The following XPO1 variants were observed in gnomAD, a reference collection of about 807,000 sequenced individuals.
XPO1 encodes exportin-1.
In XPO1, 5 loss-of-function variants were observed where a neutral mutation model predicts 133.3. The ratio of observed to expected loss-of-function variants is 0.04; its 90% CI spans 0.02 to 0.08. The LOEUF is 0.08. Among genes scored for constraint, XPO1 ranks in the 10% least tolerant of loss-of-function variants. The pLI, the probability that XPO1 is intolerant of heterozygous loss-of-function variation, is 1.00. For missense variants in XPO1, 506 were observed against 1,267.5 expected (o/e 0.40, Z 9.12); for synonymous variants, 419 against 408.2 (o/e 1.03, Z -0.32).
rs1558637976 is a variant in XPO1, at chr2:61,491,454, A to AC, written c.1887+580_1887+581insG. ...CGACAGAGTGAAACTCCATCTCAAA[A>AC]AACAAACACACACACACACACACAC... is the stretch of plus-strand genomic sequence containing the variant. On this transcript the variant is annotated intron_variant, in intron 16 of 24. Coordinates refer to ENST00000401558, the MANE Select transcript of XPO1 (RefSeq NM_003400.4). Among the ~76,000 whole-genome samples the AC allele has an allele frequency of 6.7e-3, 745 of 111,154 alleles. 5 individuals are homozygous for AC. Among genetic ancestry groups the AC allele is most frequent in the African/African-American group, 0.025 (712 of 28,186 alleles). The allele number at this position is 111,154 out of a possible 152,430, so 72.9% of individuals were successfully genotyped here. A position where few individuals can be genotyped will look rare whatever the true frequency, so the allele number is the denominator to read the frequency against.
intron 20 of XPO1, chr2:61,484,602 G>C (rs1350796522): frequency 6.5e-6 from 1 of 154,006 alleles, no homozygotes; most frequent in Admixed American, 6.5e-5. Context: ...CCGAGTAGCT[G>C]GGACTACAGG....
chr2:61,515,880 G>A (rs1361481854), intron 4 of XPO1, among the ~76,000 whole-genome samples: 7 of 146,030 alleles, frequency 4.8e-5, no homozygotes, highest in South Asian at 2.2e-4. Context: ...TCAGGAGATC[G>A]AGACCATCCT....
chr2:61,519,201 G>A (rs138205162), intron 4 of XPO1, among the ~76,000 whole-genome samples: 29 of 152,056 alleles, frequency 1.9e-4, no homozygotes, highest in African/African-American at 6.8e-4. Flanking sequence ...TGCCTGCCTT[G>A]GCCTCCCAAA....
At chr2:61,479,780 C>A (rs527704529) in intron 24 of XPO1, among the ~76,000 whole-genome samples, 4 of 152,084 alleles carry the variant, frequency 2.6e-5, no homozygotes, top group Non-Finnish European at 5.9e-5. Flanking sequence ...CCAGGCTGAT[C>A]TCAAACTCCC....
At chr2:61,510,754 T>C (rs924445442) in intron 4 of XPO1, among the ~76,000 whole-genome samples, 4 of 151,792 alleles carry the variant, frequency 2.6e-5, no homozygotes, top group Non-Finnish European at 2.9e-5. Context: ...CTAGGCAACA[T>C]AGCGAGACCC....
At chr2:61,521,444 G>A (rs563407018) in intron 4 of XPO1, among the ~76,000 whole-genome samples, 39 of 152,260 alleles carry the variant, frequency 2.6e-4, no homozygotes, top group Non-Finnish European at 7.4e-5. Context: ...CTATTTTTCA[G>A]AGATAAATGA....
intron 4 of XPO1, among the ~76,000 whole-genome samples, chr2:61,511,286 G>A (rs1698085818): frequency 6.6e-6 from 1 of 152,116 alleles, no homozygotes; most frequent in Non-Finnish European, 1.5e-5. Flanking sequence ...ACCACGCCCA[G>A]CTAATTTTTT....
intron 4 of XPO1, among the ~76,000 whole-genome samples, chr2:61,509,867 G>C (rs539842933): frequency 6.6e-6 from 1 of 152,038 alleles, no homozygotes; most frequent in Non-Finnish European, 1.5e-5. Flanking sequence ...ATCTAGTTTC[G>C]AATCAATTTC....
In XPO1 at chr2:61,501,968, T is replaced by A. The variant is rs775923678; in HGVS notation, c.408+28A>T. On this transcript the variant is annotated intron_variant, in intron 6 of 24. Transcript: ENST00000401558. The stretch of plus-strand genomic sequence containing the variant: ...GTTCAAATAATAAGCATAATTCTTC[T>A]AAGGAAAACAGTTAAGTTAAAGCTT... 20 of 1,552,934 alleles carry A rather than the reference T, an allele frequency of 1.3e-5. No homozygotes were observed. In the East Asian group the frequency reaches 4.1e-4, roughly 31 times the overall value.
Position 61,478,645 on chromosome 2 carries a change from A to G in XPO1, c.*175T>C. On this transcript the variant is annotated 3_prime_UTR_variant, in exon 25 of 25. Transcript: ENST00000401558. The stretch of plus-strand genomic sequence containing the variant: ...ATAAAGATGACCAAAACAAAAGCTT[A>G]AACAATGGAAGGATATTTCACAGAA... 1 of 637,126 alleles carries G rather than the reference A, an allele frequency of 1.6e-6. No homozygotes were observed. The highest frequency in any genetic ancestry group is 2.5e-6 in the Non-Finnish European group (1 of 398,034). 39.5% of individuals were successfully genotyped at this position (637,126 alleles called of 1,614,324 possible).
At chr2:61,497,139 T>C in intron 9 of XPO1, 132 bp from the exon 10 acceptor site, 1 of 1,165,336 alleles carries the variant, frequency 8.6e-7, no homozygotes. Flanking sequence ...GCCAAGTGAA[T>C]GAACATATTT....
At chr2:61,501,522 G>A (rs1293228541) in intron 6 of XPO1, among the ~76,000 whole-genome samples, 3 of 152,012 alleles carry the variant, frequency 2.0e-5, no homozygotes, top group Non-Finnish European at 4.4e-5. Flanking sequence ...AAGAGTTTGA[G>A]ACCAGCCTGG....
chr2:61,505,953 T>G (rs930461943), intron 4 of XPO1, among the ~76,000 whole-genome samples: 23 of 152,332 alleles, frequency 1.5e-4, no homozygotes, highest in African/African-American at 5.3e-4. Flanking sequence ...GTACTAACCC[T>G]TTTGTTCCTT....
chr2:61,500,752 C>T (rs536013885), intron 6 of XPO1, among the ~76,000 whole-genome samples: 2 of 152,014 alleles, frequency 1.3e-5, no homozygotes, highest in Admixed American at 6.6e-5. Flanking sequence ...TGAACTAAGA[C>T]GGTGCCACTG....
chr2:61,489,375 T>TGCACTCCAGCCCGGGCAGCAAGAGTG (rs1306662896), intron 17 of XPO1, among the ~76,000 whole-genome samples: 1 of 148,814 alleles, frequency 6.7e-6, no homozygotes, highest in Non-Finnish European at 1.5e-5. Flanking sequence ...ATCACGCCAT[T>TGCACTCCAGCCCGGGCAGCAAGAGTG]GCACTCCAGC....
chr2:61,481,404 G>T, intron 23 of XPO1, 123 bp from the exon 24 acceptor site: 1 of 485,334 alleles, frequency 2.1e-6, no homozygotes, highest in Non-Finnish European at 3.5e-6. Flanking sequence ...TGCCTCCCGG[G>T]TTCAAGACAT....
intron 4 of XPO1, among the ~76,000 whole-genome samples, chr2:61,515,758 A>G (rs1419547684): frequency 6.6e-6 from 1 of 152,128 alleles, no homozygotes. Flanking sequence ...GAAACTGTAC[A>G]ACTCAGAAAT....
intron 4 of XPO1, among the ~76,000 whole-genome samples, chr2:61,511,446 ACT>A (rs1698093186): frequency 6.8e-6 from 1 of 146,724 alleles, no homozygotes; most frequent in African/African-American, 2.5e-5. Flanking sequence ...AGATATTATC[ACT>A]CTGTTGCCCA....
Position 61,538,241 on chromosome 2 carries a change from G to T in XPO1, c.-686C>A. 2 of 164,454 alleles carry T rather than the reference G, an allele frequency of 1.2e-5. No individual in the cohort carries two copies. Among genetic ancestry groups the T allele is most frequent in the East Asian group, 1.6e-4 (1 of 6,124 alleles). 10.2% of individuals were successfully genotyped at this position (164,454 alleles called of 1,614,324 possible). On this transcript the variant is annotated 5_prime_UTR_variant, in exon 1 of 25. Coordinates refer to ENST00000401558, the MANE Select transcript of XPO1 (RefSeq NM_003400.4). ...TGCTCCTGCCGCGGCCGCTGCAGCC[G>T]CTTCTCCCCCTCCTCCTAGTGCCTC...
Sources: gnomAD v4.1 joint callset for allele counts (sites outside exome capture counted in the v4.1 genomes callset) on GRCh38, gnomAD v4.1.1 for gene constraint, MANE v1.5 for transcripts, NCBI Gene and HGNC (gene_info 2026-07-23, HGNC 2026-07-21) for gene names.